The following CDS2 variants were observed in gnomAD, a reference collection of about 807,000 sequenced individuals.
CDS2 encodes the protein phosphatidate cytidylyltransferase 2.
CDS2 carries 47 observed loss-of-function variants against 59.0 expected under a neutral mutation model. The ratio of observed to expected loss-of-function variants is 0.80; its 90% CI spans 0.63 to 1.02. The LOEUF is 1.02. Ranked by LOEUF, CDS2 falls within the 50% of genes least tolerant of loss-of-function variation. The pLI is 0.00. For missense variants in CDS2, 356 were observed against 558.9 expected (o/e 0.64, Z 3.66); for synonymous variants, 207 against 206.4 (o/e 1.00, Z -0.02).
intron 1 of CDS2, among the ~76,000 whole-genome samples, chr20:5,146,421 A>G (rs559229945): frequency 6.6e-6 from 1 of 152,232 alleles, no homozygotes; most frequent in East Asian, 1.9e-4. Context: ...AATGTTTTTG[A>G]GAGGGAGGAA....
chr20:5,163,508 G>T (rs946387792), intron 1 of CDS2, among the ~76,000 whole-genome samples: 2 of 152,030 alleles, frequency 1.3e-5, no homozygotes, highest in African/African-American at 2.4e-5. Context: ...TGATCCACCC[G>T]CCTCGGCCTC....
chr20:5,127,191 C>T (rs980974677), intron 1 of CDS2, 42 bp downstream of exon 1: 2 of 1,451,400 alleles, frequency 1.4e-6, no homozygotes, highest in South Asian at 2.6e-5. Flanking sequence ...GACAGCGGCG[C>T]ATCCGGGAGG....
chr20:5,187,928 C>T (rs982859295), intron 10 of CDS2: 1 of 150,688 alleles, frequency 6.6e-6, no homozygotes, highest in African/African-American at 2.4e-5. Context: ...TAATTGTTAC[C>T]AAGGATAAAA....
chr20:5,149,348 T>C (rs2090770419), intron 1 of CDS2, among the ~76,000 whole-genome samples: 1 of 152,258 alleles, frequency 6.6e-6, no homozygotes, highest in Non-Finnish European at 1.5e-5. Flanking sequence ...GTTCACATTT[T>C]TCTTATTGAC....
intron 1 of CDS2, among the ~76,000 whole-genome samples, chr20:5,162,217 C>T (rs958927471): frequency 1.3e-5 from 2 of 152,164 alleles, no homozygotes; most frequent in African/African-American, 4.8e-5. Context: ...TTGAAATTTT[C>T]AAAATCTGAA....
At chr20:5,158,358 G>A (rs1181868355) in intron 1 of CDS2, among the ~76,000 whole-genome samples, 1 of 152,072 alleles carries the variant, frequency 6.6e-6, no homozygotes, top group Non-Finnish European at 1.5e-5. Flanking sequence ...TTTTAGTACA[G>A]ACGGGGTTTC....
intron 1 of CDS2, among the ~76,000 whole-genome samples, chr20:5,157,705 G>T (rs962687906): frequency 6.6e-6 from 1 of 152,158 alleles, no homozygotes; most frequent in African/African-American, 2.4e-5. Flanking sequence ...GTGGAAGAAG[G>T]ATTTCTCTGG....
intron 1 of CDS2, among the ~76,000 whole-genome samples, chr20:5,153,452 A>G (rs911985396): frequency 5.3e-5 from 8 of 152,164 alleles, no homozygotes; most frequent in African/African-American, 1.9e-4. Flanking sequence ...TTCTGGCTCC[A>G]TATCTTATTT....
At chr20:5,157,131 G>GC (rs1884138184) in intron 1 of CDS2, among the ~76,000 whole-genome samples, 1 of 152,192 alleles carries the variant, frequency 6.6e-6, no homozygotes, top group Non-Finnish European at 1.5e-5. Context: ...GGTACGCAAA[G>GC]CAAGGATTGG....
chr20:5,185,497 C>A (rs915399613), intron 8 of CDS2, among the ~76,000 whole-genome samples: 2 of 152,064 alleles, frequency 1.3e-5, no homozygotes, highest in Non-Finnish European at 2.9e-5. Flanking sequence ...GGACTTTGAT[C>A]TGGATTTGAG....
Position 5,192,884 on chromosome 20 carries a change from A to AG in CDS2, c.*2651dup, listed in dbSNP as rs1389153219. 3 of 152,222 alleles carry AG rather than the reference A, an allele frequency of 2.0e-5. No individual in the cohort carries two copies. The highest frequency in any genetic ancestry group is 4.4e-5 in the Non-Finnish European group (3 of 68,050). The allele number at this position is 152,222 out of a possible 1,614,324, so 9.4% of individuals were successfully genotyped here. Reference sequence around the variant, plus strand: ...GAGCTTCCCCAGGATAGTGTGGTGGAGTCAGGACTCACTCCATCCTGCACT... The same window carrying AG: ...GAGCTTCCCCAGGATAGTGTGGTGGAGGTCAGGACTCACTCCATCCTGCACT... On this transcript the variant is annotated 3_prime_UTR_variant, in exon 13 of 13. Coordinates refer to ENST00000460006, the MANE Select transcript of CDS2 (RefSeq NM_003818.4).
At position 5,190,172 on chromosome 20, in the gene CDS2, A is replaced by C. The variant is rs1398270842; in HGVS notation, c.1276A>C (p.Asn426His). The change falls in exon 13 of 13, where the codon AAC becomes CAC. Residue 426 changes from asparagine to histidine, a missense_variant. Asn to His is a moderately conservative substitution (Grantham distance 68, BLOSUM62 1). Coordinates refer to ENST00000460006, the MANE Select transcript of CDS2 (RefSeq NM_003818.4). ...LRPDQQLHIF[N>H]TLRSHLIDKG... ...GCCAGATCAGCAGCTCCACATCTTC[A>C]ACACGCTGCGGTCTCATCTGATCGA... is the stretch of plus-strand genomic sequence containing the variant. The C allele has an allele frequency of 6.2e-7, 1 of 1,613,920 alleles. No homozygotes were observed.
chr20:5,162,944 G>T (rs148982787), intron 1 of CDS2, among the ~76,000 whole-genome samples: 293 of 152,282 alleles, frequency 1.9e-3, no homozygotes, highest in African/African-American at 6.3e-3. Flanking sequence ...CAGCATGGAG[G>T]TTGTTTTATT....
At chr20:5,129,439 G>A (rs2090584573) in intron 1 of CDS2, among the ~76,000 whole-genome samples, 1 of 151,048 alleles carries the variant, frequency 6.6e-6, no homozygotes, top group Non-Finnish European at 1.5e-5. Flanking sequence ...ACCACGCTCG[G>A]CTAATTTTTT....
intron 1 of CDS2, among the ~76,000 whole-genome samples, chr20:5,147,029 C>A (rs1568531131): frequency 1.3e-5 from 2 of 152,202 alleles, no homozygotes; most frequent in African/African-American, 2.4e-5. Context: ...ATGATTTCTG[C>A]TCACATGTCA....
At chr20:5,188,846 G>A (rs549402808) in intron 10 of CDS2, among the ~76,000 whole-genome samples, 1 of 152,170 alleles carries the variant, frequency 6.6e-6, no homozygotes, top group South Asian at 2.1e-4. Flanking sequence ...CCATTCCCTC[G>A]GGATGCCAGT....
chr20:5,138,247 G>T (rs1017060396), intron 1 of CDS2, among the ~76,000 whole-genome samples: 2 of 151,396 alleles, frequency 1.3e-5, no homozygotes, highest in African/African-American at 4.9e-5. Flanking sequence ...ACCATACCCA[G>T]CCTCGAGTTG....
rs57378947 is a variant in CDS2 at position 5,151,750 on chromosome 20, C to CTTTT, written c.58-21745_58-21742dup. ...ACCATGCCTGGCCTAGACTCCATGTCTTTTTTTTTTTTTTTTTTTTTTTTT... is the reference window on the plus strand; with the variant it reads ...ACCATGCCTGGCCTAGACTCCATGTCTTTTTTTTTTTTTTTTTTTTTTTTTTTTT... On this transcript the variant is annotated intron_variant, in intron 1 of 12. Transcript: ENST00000460006. 3.7e-3 allele frequency among the ~76,000 whole-genome samples: 197 copies of CTTTT among 53,192 alleles called. 14 individuals are homozygous for CTTTT. Among genetic ancestry groups the CTTTT allele is most frequent in the Middle Eastern group, 0.017 (1 of 60 alleles). The allele number at this position is 53,192 out of a possible 152,430, so 34.9% of individuals were successfully genotyped here. A position where few individuals can be genotyped will look rare whatever the true frequency, so the allele number is the denominator to read the frequency against.
chr20:5,187,095 C>T (rs547105759), intron 10 of CDS2: 36 of 101,642 alleles, frequency 3.5e-4, no homozygotes, highest in South Asian at 3.3e-3. Context: ...CTTTTAGTTG[C>T]GGGGGTAGGG....
Sources: allele counts gnomAD v4.1 joint callset (sites outside exome capture counted in the v4.1 genomes callset), GRCh38; gene constraint gnomAD v4.1.1; transcripts MANE v1.5; gene names NCBI Gene and HGNC (gene_info 2026-07-23, HGNC 2026-07-21).